Variants in PLD5 observed in about 807,000 individuals in gnomAD.
PLD5 encodes the protein phospholipase D family member 5, also known as inactive phospholipase D5.
A neutral mutation model predicts 61.1 loss-of-function variants in PLD5; 36 were observed. The observed-to-expected ratio is 0.59, with a 90% confidence interval of 0.45 to 0.78. PLD5 has a LOEUF of 0.78. PLD5 is among the 30% of genes least tolerant of loss of function. PLD5 has a pLI of 0.00. For synonymous variants in PLD5, 243 were observed against 242.8 expected (o/e 1.00, Z -0.01); for missense variants, 515 against 644.4 (o/e 0.80, Z 2.17).
chr1:242,218,040 T>C (rs925795075), intron 5 of PLD5, among the ~76,000 whole-genome samples: 1 of 152,238 alleles, frequency 6.6e-6, no homozygotes, highest in African/African-American at 2.4e-5. Flanking sequence ...TAAAATGCTT[T>C]TAAACAGCAC....
intron 1 of PLD5, among the ~76,000 whole-genome samples, chr1:242,375,406 T>A (rs1661889562): frequency 6.6e-6 from 1 of 152,232 alleles, no homozygotes; most frequent in South Asian, 2.1e-4. Context: ...TGGGATTTCA[T>A]AACTGCTTGC....
At chr1:242,107,562 C>A (rs1353392854) in intron 8 of PLD5, 109 bp downstream of exon 8, 4 of 1,053,226 alleles carry the variant, frequency 3.8e-6, no homozygotes, top group Admixed American at 2.8e-5. Flanking sequence ...TGAAGATTGC[C>A]GTCCTGGTTC....
rs200272267 is a variant in PLD5, at chr1:242,084,177, AT to A, written c.*5676del. On this transcript the variant is annotated 3_prime_UTR_variant, in exon 10 of 10. Coordinates refer to ENST00000536534, the MANE Select transcript of PLD5 (RefSeq NM_001372062.1). ...ATGACTGTCATCGCACTGTTAGCCC[AT>A]TTTTTTAAAAAAAAACACGAAATTG... 6.6e-6 allele frequency: 1 copy of A among 151,976 alleles called. No homozygotes were observed. The highest frequency in any genetic ancestry group is 1.5e-5 in the Non-Finnish European group (1 of 67,978). The allele number at this position is 151,976 out of a possible 1,614,324, so 9.4% of individuals were successfully genotyped here. A position where few individuals can be genotyped will look rare whatever the true frequency, so the allele number is the denominator to read the frequency against.
chr1:242,455,846 C>T (rs1305281915), intron 1 of PLD5, among the ~76,000 whole-genome samples: 1 of 152,192 alleles, frequency 6.6e-6, no homozygotes, highest in Non-Finnish European at 1.5e-5. Flanking sequence ...GGTCCTTGAA[C>T]CGCAGTTATG....
chr1:242,266,197 C>G (rs547099167), intron 3 of PLD5, among the ~76,000 whole-genome samples: 1 of 152,242 alleles, frequency 6.6e-6, no homozygotes, highest in Non-Finnish European at 1.5e-5. Context: ...CCTGGCCAAC[C>G]TGGTGAAACT....
intron 5 of PLD5, among the ~76,000 whole-genome samples, chr1:242,194,007 T>C (rs956393961): frequency 1.3e-5 from 2 of 152,172 alleles, no homozygotes; most frequent in African/African-American, 4.8e-5. Context: ...ATACATCTCT[T>C]GAATATTTAA....
chr1:242,352,377 C>A (rs1057472000), intron 1 of PLD5, among the ~76,000 whole-genome samples: 8 of 152,146 alleles, frequency 5.3e-5, no homozygotes, highest in African/African-American at 1.4e-4. Context: ...GTACAAATTA[C>A]AAACTTTCTT....
intron 5 of PLD5, among the ~76,000 whole-genome samples, chr1:242,126,048 A>G (rs1662758271): frequency 6.6e-6 from 1 of 152,152 alleles, no homozygotes; most frequent in Admixed American, 6.6e-5. Context: ...ATTAAGGACT[A>G]TTAGCGGTTA....
chr1:242,113,779 C>T lies in PLD5; in HGVS notation c.1070+111G>A, dbSNP rs1313956922. The T allele has an allele frequency of 2.2e-6, 3 of 1,348,330 alleles. No individual in the cohort carries two copies. The South Asian group carries it at 4.7e-5, about 21-fold the overall frequency. 83.5% of individuals were successfully genotyped at this position (1,348,330 alleles called of 1,614,324 possible). A position where few individuals can be genotyped will look rare whatever the true frequency, so the allele number is the denominator to read the frequency against. On this transcript the variant is annotated intron_variant, in intron 7 of 9. Transcript: ENST00000536534. ...AACAGCAATGAATGGTGTGCTCTTCCTAAGGCAACCTGATGGCATCTCCAT... is the reference window on the plus strand; with the variant it reads ...AACAGCAATGAATGGTGTGCTCTTCTTAAGGCAACCTGATGGCATCTCCAT...
At position 242,288,323 on chromosome 1, in the gene PLD5, A is replaced by G. The variant is rs191530642; in HGVS notation, c.495+39T>C. 5.5e-4 allele frequency: 874 copies of G among 1,587,618 alleles called. 3 individuals are homozygous for G. Among genetic ancestry groups the G allele is most frequent in the Middle Eastern group, 3.2e-3 (19 of 5,942 alleles). ...GAATACTAAGGAGTGGAAAATGCAC[A>G]TAAGTAAAATCATCACACACACAGA... On this transcript the variant is annotated intron_variant, in intron 3 of 9. Coordinates refer to ENST00000536534, the MANE Select transcript of PLD5 (RefSeq NM_001372062.1).
At chr1:242,502,889 T>C (rs910022787) in intron 1 of PLD5, among the ~76,000 whole-genome samples, 1 of 151,958 alleles carries the variant, frequency 6.6e-6, no homozygotes, top group East Asian at 1.9e-4. Flanking sequence ...GACAAAACCC[T>C]GTCTCTACTA....
At chr1:242,255,563 G>A (rs2653195) in intron 4 of PLD5, among the ~76,000 whole-genome samples, 44 of 152,186 alleles carry the variant, frequency 2.9e-4, no homozygotes, top group Non-Finnish European at 4.4e-4. Context: ...TAACCTGCAC[G>A]TTGTGCACAT....
At chr1:242,117,818 T>A (rs1414402136) in intron 6 of PLD5, among the ~76,000 whole-genome samples, 1 of 152,238 alleles carries the variant, frequency 6.6e-6, no homozygotes, top group Non-Finnish European at 1.5e-5. Flanking sequence ...TTAGGGATTG[T>A]ATGTTACTCA....
chr1:242,154,557 G>T (rs1246674339), intron 5 of PLD5, among the ~76,000 whole-genome samples: 6 of 151,976 alleles, frequency 3.9e-5, no homozygotes, highest in Admixed American at 6.6e-5. Context: ...GCACGAAGGG[G>T]TGTTGAATTT....
At chr1:242,321,611 A>G (rs1488374431) in intron 2 of PLD5, among the ~76,000 whole-genome samples, 3 of 151,866 alleles carry the variant, frequency 2.0e-5, no homozygotes, top group South Asian at 2.1e-4. Flanking sequence ...GGCCCCATCT[A>G]TTCTTTTTGA....
intron 4 of PLD5, among the ~76,000 whole-genome samples, chr1:242,231,071 T>C (rs1346762061): frequency 6.6e-6 from 1 of 152,242 alleles, no homozygotes; most frequent in East Asian, 1.9e-4. Flanking sequence ...ACTTGAGTAA[T>C]ATTGCCTCAA....
chr1:242,182,339 A>C (rs934118636), intron 5 of PLD5, among the ~76,000 whole-genome samples: 4 of 150,908 alleles, frequency 2.7e-5, no homozygotes, highest in Admixed American at 6.7e-5. Flanking sequence ...GTTTCTCCAG[A>C]GGCATTCGCC....
At chr1:242,291,616 C>T (rs1267060118) in intron 2 of PLD5, among the ~76,000 whole-genome samples, 1 of 151,982 alleles carries the variant, frequency 6.6e-6, no homozygotes, top group Non-Finnish European at 1.5e-5. Context: ...ACCATCTTGG[C>T]TAACACGGTG....
chr1:242,289,025 T>C (rs371658975), intron 2 of PLD5, among the ~76,000 whole-genome samples: 20 of 152,206 alleles, frequency 1.3e-4, no homozygotes, highest in African/African-American at 4.8e-5. Flanking sequence ...CATCTACTGA[T>C]GCTTCCTAGC....
Sources: gnomAD v4.1 joint callset for allele counts (sites outside exome capture counted in the v4.1 genomes callset) on GRCh38, gnomAD v4.1.1 for gene constraint, MANE v1.5 for transcripts, NCBI Gene and HGNC (gene_info 2026-07-23, HGNC 2026-07-21) for gene names.